NUCB2: variants seen among roughly 807,000 people sequenced by gnomAD.
NUCB2 encodes nucleobindin 2.
Under a neutral mutation model 57.9 loss-of-function variants are expected in NUCB2, and 48 were observed. The ratio of observed to expected loss-of-function variants is 0.83; its 90% CI spans 0.66 to 1.05. The LOEUF is 1.05. NUCB2 is among the 50% of genes least tolerant of loss of function. NUCB2 has a pLI of 0.00. For synonymous variants in NUCB2, 139 were observed against 152.1 expected (o/e 0.91, Z 0.64); for missense variants, 442 against 476.2 (o/e 0.93, Z 0.67).
At chr11:17,336,661 G>A (rs1265704326), downstream of NUCB2, among the ~76,000 whole-genome samples, 3 of 147,622 alleles carry the variant, frequency 2.0e-5, no homozygotes, top group African/African-American at 7.5e-5. Context: ...GGCTGGGGCA[G>A]GTGAATGGCG....
At chr11:17,296,575 G>A (rs1039557743) in intron 4 of NUCB2, among the ~76,000 whole-genome samples, 12 of 152,176 alleles carry the variant, frequency 7.9e-5, no homozygotes, top group African/African-American at 2.9e-4. Flanking sequence ...ATATGAAGCA[G>A]TGGGGCGAGG....
chr11:17,294,678 TA>T (rs34406631), intron 2 of NUCB2, among the ~76,000 whole-genome samples: 30,395 of 102,624 alleles, frequency 0.3, 4,271 homozygotes, highest in Non-Finnish European at 0.38. Flanking sequence ...CGTGTTGCCT[TA>T]AAAAAAAAAA....
At chr11:17,314,038 C>T (rs1948891645) in intron 10 of NUCB2, among the ~76,000 whole-genome samples, 1 of 152,078 alleles carries the variant, frequency 6.6e-6, no homozygotes, top group South Asian at 2.1e-4. Context: ...TCTTCAAACC[C>T]AGATCTGTTC....
At chr11:17,294,889 AAAT>A (rs1179105996) in intron 2 of NUCB2, among the ~76,000 whole-genome samples, 1 of 152,098 alleles carries the variant, frequency 6.6e-6, no homozygotes, top group Non-Finnish European at 1.5e-5. Flanking sequence ...TCTCTACTAA[AAAT>A]ACAAAATTAG....
At chr11:17,301,500 G>T (rs976888276) in intron 4 of NUCB2, among the ~76,000 whole-genome samples, 5 of 150,224 alleles carry the variant, frequency 3.3e-5, no homozygotes, top group Non-Finnish European at 7.4e-5. Flanking sequence ...GGCTGGTCTC[G>T]AGCTCCTGAC....
chr11:17,348,319 G>GGTTTTTTTTTTTTTTTTTT (rs1952917777), intron 2 of NUCB2, among the ~76,000 whole-genome samples: 1 of 84,450 alleles, frequency 1.2e-5, no homozygotes, highest in African/African-American at 5.0e-5. Context: ...TTGTTTTTGT[G>GGTTTTTTTTTTTTTTTTTT]TTTTTTTTTT....
chr11:17,338,286 ACAG>A (rs1169174768), intron 2 of NUCB2, among the ~76,000 whole-genome samples: 19 of 152,270 alleles, frequency 1.2e-4, no homozygotes, highest in African/African-American at 4.3e-4. Flanking sequence ...TATAATTTTC[ACAG>A]CAGAGCTTTT....
At chr11:17,341,017 C>T (rs1952219453) in intron 2 of NUCB2, among the ~76,000 whole-genome samples, 1 of 152,126 alleles carries the variant, frequency 6.6e-6, no homozygotes, top group Admixed American at 6.6e-5. Context: ...GTTTGTAATT[C>T]TCGAAGAGGT....
intron 2 of NUCB2, among the ~76,000 whole-genome samples, chr11:17,346,335 C>T (rs529803900): frequency 2.6e-4 from 39 of 152,288 alleles, no homozygotes; most frequent in African/African-American, 8.4e-4. Flanking sequence ...GTCCCATCTC[C>T]AGGTGATTCT....
chr11:17,347,967 ATGTCTTT>A (rs1952879440), intron 2 of NUCB2, among the ~76,000 whole-genome samples: 1 of 152,162 alleles, frequency 6.6e-6, no homozygotes, highest in Admixed American at 6.5e-5. Flanking sequence ...AAATAATTTT[ATGTCTTT>A]TGAATCTAAG....
At chr11:17,340,071 T>G (rs1040562872) in intron 2 of NUCB2, among the ~76,000 whole-genome samples, 2 of 152,224 alleles carry the variant, frequency 1.3e-5, no homozygotes, top group Non-Finnish European at 2.9e-5. Context: ...GGTATCTCAT[T>G]GTGGTTTTGA....
intron 5 of NUCB2, among the ~76,000 whole-genome samples, chr11:17,305,520 AACAG>A (rs1947482736): frequency 6.6e-6 from 1 of 152,218 alleles, no homozygotes; most frequent in Non-Finnish European, 1.5e-5. Context: ...AGTGAAACAC[AACAG>A]ACATTCCAGA....
intron 1 of NUCB2, among the ~76,000 whole-genome samples, chr11:17,278,067 AT>A (rs958823773): frequency 1.1e-3 from 158 of 149,276 alleles, no homozygotes; most frequent in African/African-American, 3.6e-3. Context: ...AGGGGGTCAA[AT>A]TTTTTTTTTA....
At chr11:17,303,802 T>G (rs1947161997) in intron 5 of NUCB2, among the ~76,000 whole-genome samples, 1 of 151,580 alleles carries the variant, frequency 6.6e-6, no homozygotes, top group African/African-American at 2.4e-5. Flanking sequence ...GGAGAATCGC[T>G]TGAGCCCAGG....
chr11:17,339,462 T>C (rs1446416116), intron 2 of NUCB2, among the ~76,000 whole-genome samples: 1 of 151,702 alleles, frequency 6.6e-6, no homozygotes, highest in African/African-American at 2.4e-5. Flanking sequence ...TAACTCGTCA[T>C]TTAACATTAG....
At chr11:17,309,952 T>C (rs188892733) in intron 6 of NUCB2, among the ~76,000 whole-genome samples, 204 of 152,322 alleles carry the variant, frequency 1.3e-3, no homozygotes, top group African/African-American at 4.6e-3. Context: ...TTAACCTACT[T>C]AGTGTGAATA....
chr11:17,334,816 G>C (rs1180210716), downstream of NUCB2, among the ~76,000 whole-genome samples: 2 of 151,502 alleles, frequency 1.3e-5, no homozygotes, highest in Non-Finnish European at 2.9e-5. Context: ...AGCCTGGGAG[G>C]TGGAGGTTGC....
rs573660020 is a variant in NUCB2 at position 17,304,571 on chromosome 11, C to T, written c.379+2701C>T. Among the ~76,000 whole-genome samples the T allele has an allele frequency of 2.4e-4, 37 of 152,164 alleles. 1 individual carries two copies. In the South Asian group the frequency reaches 7.1e-3, roughly 29 times the overall value. On this transcript the variant is annotated intron_variant, in intron 5 of 13. Coordinates refer to ENST00000529010, the MANE Select transcript of NUCB2 (RefSeq NM_005013.4). ...AGGAGGTGATAAAACCATCTTTTTT[C>T]ACAGATGATATGATGTTTATATATA...
intron 5 of NUCB2, among the ~76,000 whole-genome samples, chr11:17,303,948 C>T (rs970737350): frequency 9.3e-5 from 14 of 150,690 alleles, no homozygotes; most frequent in Non-Finnish European, 1.5e-4. Context: ...GCAGAAAATC[C>T]ATTTGACAAA....
Sources: gnomAD v4.1 joint callset for allele counts (sites outside exome capture counted in the v4.1 genomes callset) on GRCh38, gnomAD v4.1.1 for gene constraint, MANE v1.5 for transcripts, NCBI Gene and HGNC (gene_info 2026-07-23, HGNC 2026-07-21) for gene names.